Variants in C1orf185 observed in about 807,000 individuals in gnomAD.
C1orf185 encodes chromosome 1 open reading frame 185, also known as uncharacterized protein C1orf185.
A neutral mutation model predicts 16.1 loss-of-function variants in C1orf185; 13 were observed. That is an observed-to-expected ratio of 0.81 (90% CI 0.53 to 1.28). The LOEUF is 1.28. Ranked by LOEUF, C1orf185 falls within the 50% of genes most tolerant of loss-of-function variation. The pLI, the probability that C1orf185 is intolerant of heterozygous loss-of-function variation, is 0.00. For missense variants in C1orf185, 220 were observed against 225.2 expected, an observed-to-expected ratio of 0.98 and a Z score of 0.15; for synonymous variants, 80 against 76.9, an observed-to-expected ratio of 1.04 and a Z score of -0.21.
In C1orf185 at chr1:51,128,033, G is replaced by T. The variant is rs771270545; in HGVS notation, c.258+9232G>T. Among the ~76,000 whole-genome samples the T allele has an allele frequency of 2.0e-5, 3 of 151,926 alleles. No individual in the cohort carries two copies. The East Asian group carries it at 5.8e-4, about 29-fold the overall frequency. On this transcript the variant is annotated intron_variant, in intron 3 of 4. Transcript: ENST00000371759. The stretch of plus-strand genomic sequence containing the variant: ...CTCCCGAGTAGTTGGGACTATAGGC[G>T]CGTGCCACCACGCCCAGCTAACTTT...
chr1:51,104,566 G>A (rs747144229), intron 1 of C1orf185, among the ~76,000 whole-genome samples: 2 of 152,124 alleles, frequency 1.3e-5, no homozygotes, highest in African/African-American at 4.8e-5. Context: ...TTGTGTTAAC[G>A]AAGTTATTAA....
chr1:51,106,607 C>T (rs1182874961), intron 1 of C1orf185, among the ~76,000 whole-genome samples: 1 of 152,046 alleles, frequency 6.6e-6, no homozygotes, highest in Non-Finnish European at 1.5e-5. Flanking sequence ...TATGATTGTG[C>T]CACTGCATTC....
At chr1:51,112,974 G>A (rs1391002085) in intron 2 of C1orf185, among the ~76,000 whole-genome samples, 1 of 151,636 alleles carries the variant, frequency 6.6e-6, no homozygotes, top group East Asian at 1.9e-4. Flanking sequence ...TTCGCACCAC[G>A]ACACCCGCCT....
At chr1:51,149,789 A>C (rs1646421676), downstream of C1orf185, among the ~76,000 whole-genome samples, 1 of 152,188 alleles carries the variant, frequency 6.6e-6, no homozygotes, top group South Asian at 2.1e-4. Context: ...TGAAAACTGG[A>C]GATGAGAGAT....
chr1:51,114,630 C>T (rs1381242320), intron 2 of C1orf185, among the ~76,000 whole-genome samples: 5 of 151,982 alleles, frequency 3.3e-5, no homozygotes, highest in Admixed American at 3.3e-4. Flanking sequence ...GGCTGAGACA[C>T]GAGAATTGCT....
At chr1:51,143,601 T>C (rs12059321) in intron 3 of C1orf185, among the ~76,000 whole-genome samples, 4 of 152,186 alleles carry the variant, frequency 2.6e-5, no homozygotes, top group Non-Finnish European at 5.9e-5. Context: ...ATGCATTGTA[T>C]TAATATCTAT....
At chr1:51,108,446 A>C (rs945463943) in intron 1 of C1orf185, among the ~76,000 whole-genome samples, 1 of 152,160 alleles carries the variant, frequency 6.6e-6, no homozygotes, top group African/African-American at 2.4e-5. Flanking sequence ...TACAATTCTT[A>C]TCTTCTAGCT....
chr1:51,107,611 C>T (rs1421767974), intron 1 of C1orf185, among the ~76,000 whole-genome samples: 2 of 152,070 alleles, frequency 1.3e-5, no homozygotes, highest in Non-Finnish European at 2.9e-5. Flanking sequence ...TTCATACTGA[C>T]ACATATAGAT....
intron 3 of C1orf185, among the ~76,000 whole-genome samples, chr1:51,135,356 A>G (rs957350067): frequency 6.6e-6 from 1 of 152,176 alleles, no homozygotes; most frequent in Non-Finnish European, 1.5e-5. Flanking sequence ...CCTGACCAAC[A>G]TGGAGAAACC....
intron 2 of C1orf185, among the ~76,000 whole-genome samples, chr1:51,113,474 A>G (rs192864427): frequency 2.0e-5 from 3 of 152,150 alleles, no homozygotes; most frequent in Non-Finnish European, 2.9e-5. Context: ...ACCTGGGGTC[A>G]GGAGTTTGAG....
At chr1:51,131,253 C>T (rs1240724857) in intron 3 of C1orf185, among the ~76,000 whole-genome samples, 1 of 152,168 alleles carries the variant, frequency 6.6e-6, no homozygotes, top group Non-Finnish European at 1.5e-5. Flanking sequence ...TCATTTGTGG[C>T]AGTACGCATG....
chr1:51,147,131 A>AT (rs1363410459), intron 4 of C1orf185, among the ~76,000 whole-genome samples: 2 of 152,178 alleles, frequency 1.3e-5, no homozygotes, highest in Non-Finnish European at 2.9e-5. Context: ...CACAAATTGA[A>AT]TAAGTGAAAA....
intron 3 of C1orf185, among the ~76,000 whole-genome samples, chr1:51,141,419 G>A (rs977153130): frequency 1.2e-4 from 19 of 152,174 alleles, no homozygotes; most frequent in African/African-American, 4.6e-4. Flanking sequence ...TTAAGCCCAG[G>A]AGGTTGAGGC....
chr1:51,125,721 A>C (rs1646235415), intron 3 of C1orf185, among the ~76,000 whole-genome samples: 1 of 152,218 alleles, frequency 6.6e-6, no homozygotes, highest in Non-Finnish European at 1.5e-5. Context: ...GCAATGCTCA[A>C]ATATGTCACC....
intron 1 of C1orf185, among the ~76,000 whole-genome samples, chr1:51,110,979 AAAAAC>A (rs1038491993): frequency 8.5e-5 from 13 of 152,056 alleles, no homozygotes; most frequent in African/African-American, 2.2e-4. Flanking sequence ...AAACAAAAAC[AAAAAC>A]AAAACAAAAC....
chr1:51,131,813 C>T (rs1646287783), intron 3 of C1orf185, among the ~76,000 whole-genome samples: 1 of 152,094 alleles, frequency 6.6e-6, no homozygotes, highest in Non-Finnish European at 1.5e-5. Context: ...AGAAATGATC[C>T]CACTGCTGCC....
intron 3 of C1orf185, among the ~76,000 whole-genome samples, chr1:51,137,214 A>T (rs1646331822): frequency 6.6e-6 from 1 of 152,182 alleles, no homozygotes; most frequent in Admixed American, 6.5e-5. Context: ...ATGAGATACC[A>T]TCTCACCAGT....
intron 1 of C1orf185, among the ~76,000 whole-genome samples, chr1:51,109,214 C>T (rs760403649): frequency 3.3e-5 from 5 of 151,888 alleles, no homozygotes; most frequent in East Asian, 1.9e-4. Flanking sequence ...GTCATTTGTA[C>T]GTCCTTTGAG....
chr1:51,103,789 C>T (rs903366443), intron 1 of C1orf185, among the ~76,000 whole-genome samples: 1 of 152,150 alleles, frequency 6.6e-6, no homozygotes, highest in Non-Finnish European at 1.5e-5. Flanking sequence ...CCTGCCTTGG[C>T]CTCCCAAACT....
Sources: allele counts gnomAD v4.1 joint callset (sites outside exome capture counted in the v4.1 genomes callset), GRCh38; gene constraint gnomAD v4.1.1; transcripts MANE v1.5; gene names NCBI Gene and HGNC (gene_info 2026-07-23, HGNC 2026-07-21).